Variants in KCNG2 observed in about 807,000 individuals in gnomAD.
KCNG2 encodes the protein potassium voltage-gated channel modifier subfamily G member 2, also known as voltage-gated potassium channel regulatory subunit KCNG2.
KCNG2 carries 7 observed loss-of-function variants against 12.3 expected under a neutral mutation model. The observed-to-expected ratio is 0.57, with a 90% confidence interval of 0.32 to 1.07. KCNG2 has a LOEUF of 1.07. Ranked by LOEUF, KCNG2 falls within the 50% of genes least tolerant of loss-of-function variation. The pLI, the probability that KCNG2 is intolerant of heterozygous loss-of-function variation, is 0.04. For missense variants in KCNG2, 703 were observed against 726.0 expected, an observed-to-expected ratio of 0.97 and a Z score of 0.36; for synonymous variants, 414 against 351.4, an observed-to-expected ratio of 1.18 and a Z score of -1.99.
chr18:79,863,843 G>A lies in KCNG2; in HGVS notation c.176G>A (p.Cys59Tyr). The change falls in exon 3 of 4, where the codon TGT (cysteine) becomes TAT (tyrosine). Residue 59 changes from cysteine (C) to tyrosine (Y), a missense_variant. By Grantham distance (194) the Cys-to-Tyr change is radical. Transcript: ENST00000316249. ...GGCCACGACGACCTGCTGCGCGTGT[G>A]TGACGACTACGACGTGAGCCGCGAC... The part of the protein sequence containing the change: ...CRGHDDLLRV[C>Y]DDYDVSRDEF... The A allele has an allele frequency of 6.9e-7, 1 of 1,458,862 alleles. No individual in the cohort carries two copies. The highest frequency in any genetic ancestry group is 9.1e-7 in the Non-Finnish European group (1 of 1,102,044). The allele number at this position is 1,458,862 out of a possible 1,614,324, so 90.4% of individuals were successfully genotyped here. A position where few individuals can be genotyped will look rare whatever the true frequency, so the allele number is the denominator to read the frequency against.
chr18:79,863,919 T>C lies in KCNG2; in HGVS notation c.252T>C (p.Leu84=). The C allele has an allele frequency of 3.6e-6, 5 of 1,391,260 alleles. No individual in the cohort carries two copies. Among genetic ancestry groups the C allele is most frequent in the South Asian group, 1.5e-5 (1 of 65,574 alleles). The allele number at this position is 1,391,260 out of a possible 1,614,324, so 86.2% of individuals were successfully genotyped here. A position where few individuals can be genotyped will look rare whatever the true frequency, so the allele number is the denominator to read the frequency against. Residue 84 remains leucine, a synonymous_variant, in exon 3 of 4, where the codon CTT becomes CTC. Coordinates refer to ENST00000316249, the MANE Select transcript of KCNG2 (RefSeq NM_012283.2). ...GCGCCTTCCGCGCCATCGTGGCGCTTTTGCGCGCAGGGAAGCTGCGACTGC... is the reference window on the plus strand; with the variant it reads ...GCGCCTTCCGCGCCATCGTGGCGCTCTTGCGCGCAGGGAAGCTGCGACTGC... ...SPCAFRAIVA[L]LRAGKLRLLR... is the part of the protein sequence containing the mutation.
intron 1 of KCNG2, among the ~76,000 whole-genome samples, chr18:79,823,913 T>A (rs1485883901): frequency 6.6e-6 from 1 of 152,274 alleles, no homozygotes; most frequent in Non-Finnish European, 1.5e-5. Context: ...TTTCGTGTTT[T>A]AAATTTGTTC....
At chr18:79,840,295 A>G (rs1978419823) in intron 1 of KCNG2, among the ~76,000 whole-genome samples, 1 of 152,210 alleles carries the variant, frequency 6.6e-6, no homozygotes, top group Admixed American at 6.5e-5. Context: ...CATAAGATAA[A>G]CATACAAAAT....
intron 1 of KCNG2, among the ~76,000 whole-genome samples, chr18:79,842,054 A>G (rs1239567462): frequency 6.6e-6 from 1 of 152,202 alleles, no homozygotes; most frequent in Non-Finnish European, 1.5e-5. Flanking sequence ...CCCAGGTGCC[A>G]GGACTGCAGC....
intron 3 of KCNG2, among the ~76,000 whole-genome samples, chr18:79,872,280 G>GTTTTTTTTTTTTTTTTTTTTTTTTTT (rs1162742507): frequency 2.7e-5 from 2 of 73,414 alleles, no homozygotes; most frequent in African/African-American, 1.0e-4. Flanking sequence ...CAAAGCTTCA[G>GTTTTTTTTTTTTTTTTTTTTTTTTTT]TTTTTTTTTT....
chr18:79,799,279 T>G (rs1165148319), intron 1 of KCNG2, among the ~76,000 whole-genome samples: 6 of 152,226 alleles, frequency 3.9e-5, no homozygotes, highest in Non-Finnish European at 1.5e-5. Context: ...TGAGTGGTTT[T>G]CGTTCTGCTG....
At chr18:79,835,649 A>G (rs635436) in intron 1 of KCNG2, among the ~76,000 whole-genome samples, 80,080 of 152,048 alleles carry the variant, frequency 0.53, 21,406 homozygotes, top group South Asian at 0.64. Flanking sequence ...GAGTAAATGC[A>G]ATAGACTTTC....
chr18:79,830,028 G>A (rs900453885), intron 1 of KCNG2, among the ~76,000 whole-genome samples: 2 of 152,206 alleles, frequency 1.3e-5, no homozygotes, highest in African/African-American at 2.4e-5. Context: ...AAACCATCAC[G>A]CTATGATTAA....
intron 1 of KCNG2, among the ~76,000 whole-genome samples, chr18:79,805,814 G>C (rs895641898): frequency 1.3e-5 from 2 of 152,134 alleles, no homozygotes; most frequent in Non-Finnish European, 2.9e-5. Flanking sequence ...CTAAAATCTA[G>C]AGTCTAGTTG....
chr18:79,858,024 A>C (rs1979080718), intron 2 of KCNG2, among the ~76,000 whole-genome samples: 1 of 151,978 alleles, frequency 6.6e-6, no homozygotes. Flanking sequence ...ATTTTTTGAG[A>C]CAGTCTCGCT....
In KCNG2 at chr18:79,899,032, C is replaced by A. The variant is rs1230693557; in HGVS notation, c.625-8C>A. On this transcript the variant is annotated splice_region_variant and splice_polypyrimidine_tract_variant and intron_variant, in intron 3 of 3. Coordinates refer to ENST00000316249, the MANE Select transcript of KCNG2 (RefSeq NM_012283.2). ...GCGCCCCCAACCCCGTGTCCCCTCTCCCCGCAGGGCGAGTGCTCCCCCAAG... is the reference window on the plus strand; with the variant it reads ...GCGCCCCCAACCCCGTGTCCCCTCTACCCGCAGGGCGAGTGCTCCCCCAAG... The A allele has an allele frequency of 6.5e-6, 10 of 1,538,842 alleles. No individual in the cohort carries two copies. In the South Asian group the frequency reaches 8.6e-5, roughly 13 times the overall value.
At chr18:79,882,766 AGGCCGGGTACACCTGCGCGTGGAGCGCG>A (rs1980351948) in intron 3 of KCNG2, among the ~76,000 whole-genome samples, 3 of 146,732 alleles carry the variant, frequency 2.0e-5, no homozygotes, top group Admixed American at 6.7e-5. Context: ...TGGAGCGCGG[AGGCCGGGTACACCTGCGCGTGGAGCGCG>A]GAGGCCGGGT....
chr18:79,829,045 G>A (rs1268260187), intron 1 of KCNG2, among the ~76,000 whole-genome samples: 2 of 84,962 alleles, frequency 2.4e-5, no homozygotes, highest in Non-Finnish European at 5.3e-5. Flanking sequence ...CTATGTGTGC[G>A]TGTGTGTAAC....
chr18:79,836,716 G>A (rs1978328999), intron 1 of KCNG2, among the ~76,000 whole-genome samples: 1 of 152,134 alleles, frequency 6.6e-6, no homozygotes, highest in Admixed American at 6.5e-5. Context: ...AGTGAGTGAA[G>A]GGGAAGTGCC....
At chr18:79,881,427 C>G (rs1330104139) in intron 3 of KCNG2, among the ~76,000 whole-genome samples, 1 of 152,194 alleles carries the variant, frequency 6.6e-6, no homozygotes, top group African/African-American at 2.4e-5. Context: ...AGGAAACCCA[C>G]AACAAAGCTT....
At chr18:79,834,820 G>C (rs987273854) in intron 1 of KCNG2, among the ~76,000 whole-genome samples, 10 of 152,224 alleles carry the variant, frequency 6.6e-5, no homozygotes, top group Non-Finnish European at 1.5e-4. Flanking sequence ...TGAGCAGGAG[G>C]AGCTGGTTCC....
intron 1 of KCNG2, among the ~76,000 whole-genome samples, chr18:79,844,677 A>C (rs2123040863): frequency 6.6e-6 from 1 of 152,372 alleles, no homozygotes; most frequent in Non-Finnish European, 1.5e-5. Context: ...GACATCAATA[A>C]AGTGGGACAA....
intron 1 of KCNG2, among the ~76,000 whole-genome samples, chr18:79,853,275 G>A (rs551362146): frequency 6.6e-6 from 1 of 152,344 alleles, no homozygotes; most frequent in South Asian, 2.1e-4. Flanking sequence ...ACGCAGCAAA[G>A]TGAGGTGGGC....
chr18:79,810,070 G>A (rs1166386711), intron 1 of KCNG2, among the ~76,000 whole-genome samples: 2 of 152,234 alleles, frequency 1.3e-5, no homozygotes, highest in Non-Finnish European at 2.9e-5. Context: ...CGATGAGGAT[G>A]AAACCTCGAG....
Sources: gnomAD v4.1 joint callset for allele counts (sites outside exome capture counted in the v4.1 genomes callset) on GRCh38, gnomAD v4.1.1 for gene constraint, MANE v1.5 for transcripts, NCBI Gene and HGNC (gene_info 2026-07-23, HGNC 2026-07-21) for gene names.